Variants in ATP11B observed in about 807,000 individuals in gnomAD.
The protein encoded by ATP11B is phospholipid-transporting ATPase IF.
Under a neutral mutation model 157.8 loss-of-function variants are expected in ATP11B, and 81 were observed. The observed-to-expected ratio is 0.51, with a 90% CI of 0.43 to 0.62. The LOEUF (loss-of-function observed/expected upper bound fraction) is 0.62, where lower values mean the gene tolerates loss of function less well. Among genes scored for constraint, ATP11B ranks in the 20% least tolerant of loss-of-function variants. The pLI, the probability that ATP11B is intolerant of heterozygous loss-of-function variation, is 0.00. For missense variants in ATP11B, 1,165 were observed against 1,402.2 expected, an observed-to-expected ratio of 0.83 and a Z score of 2.70; for synonymous variants, 451 against 469.4, an observed-to-expected ratio of 0.96 and a Z score of 0.51.
chr3:182,837,451 C>T (rs1394832689), intron 7 of ATP11B, among the ~76,000 whole-genome samples: 3 of 152,006 alleles, frequency 2.0e-5, no homozygotes, highest in Non-Finnish European at 2.9e-5. Context: ...GTAGCTATAA[C>T]AGTAGTTATA....
chr3:182,806,452 A>T (rs1716336112), intron 1 of ATP11B, among the ~76,000 whole-genome samples: 1 of 152,058 alleles, frequency 6.6e-6, no homozygotes, highest in African/African-American at 2.4e-5. Flanking sequence ...CTCAGCCTTT[A>T]GTTTTCTCAT....
intron 1 of ATP11B, among the ~76,000 whole-genome samples, chr3:182,809,870 A>G (rs961996056): frequency 6.6e-6 from 1 of 152,200 alleles, no homozygotes; most frequent in Non-Finnish European, 1.5e-5. Flanking sequence ...GGCACATAGT[A>G]AGTATTCAGT....
chr3:182,793,567 G>A lies in ATP11B; in HGVS notation c.-193G>A. On this transcript the variant is annotated 5_prime_UTR_variant, in exon 1 of 30. Transcript: ENST00000323116. The stretch of plus-strand genomic sequence containing the variant: ...TGCGCCGGGCGGGGGCGGCGCCGGG[G>A]CCGCGCCTGTAGGACTCGGGGCCGA... 2.7e-6 allele frequency: 1 copy of A among 367,928 alleles called. No homozygotes were observed. Among genetic ancestry groups the A allele is most frequent in the Non-Finnish European group, 4.8e-6 (1 of 207,340 alleles). 22.8% of individuals were successfully genotyped at this position (367,928 alleles called of 1,614,324 possible).
chr3:182,918,343 T>G lies in ATP11B; in HGVS notation c.*239T>G. The stretch of plus-strand genomic sequence containing the variant: ...GAATAAAGAGACATTTTTCATCTCT[T>G]TGTCTGGTTTGTCCCTTGTGCTTAT... On this transcript the variant is annotated 3_prime_UTR_variant, in exon 30 of 30. Coordinates refer to ENST00000323116, the MANE Select transcript of ATP11B (RefSeq NM_014616.3). 2.1e-6 allele frequency: 1 copy of G among 487,176 alleles called. No homozygotes were observed. The allele number at this position is 487,176 out of a possible 1,614,324, so 30.2% of individuals were successfully genotyped here. A position where few individuals can be genotyped will look rare whatever the true frequency, so the allele number is the denominator to read the frequency against.
chr3:182,823,053 A>G (rs1037679774), intron 2 of ATP11B, among the ~76,000 whole-genome samples: 1 of 152,168 alleles, frequency 6.6e-6, no homozygotes, highest in Non-Finnish European at 1.5e-5. Context: ...ATTTTCTCCC[A>G]TTCTGTAGGT....
chr3:182,800,027 T>C (rs1381588304), intron 1 of ATP11B, among the ~76,000 whole-genome samples: 1 of 151,970 alleles, frequency 6.6e-6, no homozygotes, highest in Admixed American at 6.6e-5. Flanking sequence ...GGAGTATTGC[T>C]TGAACACAGG....
At chr3:182,817,406 A>G (rs1213141077) in intron 1 of ATP11B, among the ~76,000 whole-genome samples, 1 of 151,880 alleles carries the variant, frequency 6.6e-6, no homozygotes, top group Non-Finnish European at 1.5e-5. Flanking sequence ...ACAGCCTCCC[A>G]AATAGCTGGG....
At chr3:182,860,396 T>C (rs1324913148) in intron 12 of ATP11B, among the ~76,000 whole-genome samples, 1 of 152,230 alleles carries the variant, frequency 6.6e-6, no homozygotes, top group Non-Finnish European at 1.5e-5. Context: ...ATGTATGATC[T>C]GTTGTTTTAT....
chr3:182,878,943 A>G (rs1429302130), intron 19 of ATP11B, among the ~76,000 whole-genome samples: 1 of 152,192 alleles, frequency 6.6e-6, no homozygotes, highest in Admixed American at 6.5e-5. Flanking sequence ...ATTTTAGAAA[A>G]TATAATTACT....
At chr3:182,852,319 A>G (rs908803415) in intron 10 of ATP11B, among the ~76,000 whole-genome samples, 22 of 152,176 alleles carry the variant, frequency 1.4e-4, no homozygotes, top group Non-Finnish European at 8.8e-5. Context: ...TCCTGCTGAG[A>G]TTGACAGATT....
chr3:182,892,168 C>T (rs1260973073), intron 25 of ATP11B, among the ~76,000 whole-genome samples: 2 of 152,140 alleles, frequency 1.3e-5, no homozygotes, highest in Non-Finnish European at 2.9e-5. Flanking sequence ...TGCTTATGTT[C>T]CCTCTCTAGA....
rs77135698 is a variant in ATP11B at position 182,868,854 on chromosome 3, T to A, written c.1689-224T>A. On this transcript the variant is annotated intron_variant, in intron 15 of 29. Transcript: ENST00000323116. ...GGCCTCTCATGGATATTAAATGACA[T>A]AAGGTGTGTAAAATACATGGCATTT... Among the ~76,000 whole-genome samples the A allele has an allele frequency of 7.9e-3, 1,199 of 152,276 alleles. 14 individuals are homozygous for A. Among genetic ancestry groups the A allele is most frequent in the African/African-American group, 0.028 (1,155 of 41,548 alleles).
At chr3:182,870,488 A>G (rs1007937976) in intron 17 of ATP11B, among the ~76,000 whole-genome samples, 3 of 152,210 alleles carry the variant, frequency 2.0e-5, no homozygotes, top group African/African-American at 7.2e-5. Context: ...GTGAGAACAA[A>G]GACATTGTTC....
rs1215486759 is a variant in ATP11B, at chr3:182,918,019, T to G, written c.3453-4T>G. On this transcript the variant is annotated splice_polypyrimidine_tract_variant and splice_region_variant and intron_variant, in intron 29 of 29. Coordinates refer to ENST00000323116, the MANE Select transcript of ATP11B (RefSeq NM_014616.3). ...GCCAAACTTTTCTCTTATTGTTACT[T>G]TAGATCATGGAGTGCATCGGATCCT... is the stretch of plus-strand genomic sequence containing the variant. 9 of 1,612,562 alleles carry G rather than the reference T, an allele frequency of 5.6e-6. No homozygotes were observed. The East Asian group carries it at 1.1e-4, about 20-fold the overall frequency.
chr3:182,896,602 A>G (rs1723565179), intron 25 of ATP11B, 98 bp from the exon 26 acceptor site: 2 of 1,015,790 alleles, frequency 2.0e-6, no homozygotes, highest in Admixed American at 1.8e-5. Context: ...CCTGACTTAA[A>G]TAATTCAAGG....
intron 1 of ATP11B, among the ~76,000 whole-genome samples, chr3:182,814,933 C>T (rs774007756): frequency 2.2e-4 from 34 of 152,182 alleles, no homozygotes; most frequent in Non-Finnish European, 4.1e-4. Context: ...ACATGCCTTC[C>T]TTTGTCTCTG....
Position 182,918,990 on chromosome 3 carries a change from G to C in ATP11B, c.*886G>C, listed in dbSNP as rs1725303757. 1 of 151,902 alleles carries C rather than the reference G, an allele frequency of 6.6e-6. No individual in the cohort carries two copies. The highest frequency in any genetic ancestry group is 1.5e-5 in the Non-Finnish European group (1 of 67,950). 9.4% of individuals were successfully genotyped at this position (151,902 alleles called of 1,614,324 possible). A position where few individuals can be genotyped will look rare whatever the true frequency, so the allele number is the denominator to read the frequency against. ...TTGCTTTTTTTCTCTTTACCTGAAGGCTCTGTGTATAGTATTTCATGACAT... is the reference window on the plus strand; with the variant it reads ...TTGCTTTTTTTCTCTTTACCTGAAGCCTCTGTGTATAGTATTTCATGACAT... On this transcript the variant is annotated 3_prime_UTR_variant, in exon 30 of 30. Coordinates refer to ENST00000323116, the MANE Select transcript of ATP11B (RefSeq NM_014616.3).
chr3:182,903,034 C>T (rs1024857063), intron 28 of ATP11B, among the ~76,000 whole-genome samples: 3 of 152,022 alleles, frequency 2.0e-5, no homozygotes, highest in Admixed American at 2.0e-4. Flanking sequence ...ATTTCATATC[C>T]TGGCTACTAT....
chr3:182,830,124 G>T (rs1017195758), intron 4 of ATP11B: 1 of 232,874 alleles, frequency 4.3e-6, no homozygotes, highest in Non-Finnish European at 7.0e-6. Context: ...TAGAGAGCAG[G>T]GTATATACTT....
Sources: gnomAD v4.1 joint callset for allele counts (sites outside exome capture counted in the v4.1 genomes callset) on GRCh38, gnomAD v4.1.1 for gene constraint, MANE v1.5 for transcripts, NCBI Gene and HGNC (gene_info 2026-07-23, HGNC 2026-07-21) for gene names.